The following TP53INP1 variants were observed in gnomAD, a reference collection of about 807,000 sequenced individuals.
TP53INP1 encodes the protein tumor protein p53 inducible nuclear protein 1.
A neutral mutation model predicts 21.0 loss-of-function variants in TP53INP1; 12 were observed. The observed-to-expected ratio is 0.57, with a 90% CI of 0.37 to 0.93. TP53INP1 has a LOEUF of 0.93. Ranked by LOEUF, TP53INP1 falls within the 40% of genes least tolerant of loss-of-function variation. The pLI is 0.01. For synonymous variants in TP53INP1, 91 were observed against 94.8 expected (o/e 0.96, Z 0.23); for missense variants, 274 against 294.7 (o/e 0.93, Z 0.51).
In TP53INP1 at chr8:94,926,512, A is replaced by ACATCTAACC. The variant is rs1483406740; in HGVS notation, c.*3958_*3966dup. ...CTCATACACTCCAAGCCTGAAACAC[A>ACATCTAACC]CATCTAACCTCCCCAGGTACTGGTT... On this transcript the variant is annotated 3_prime_UTR_variant, in exon 4 of 4. Coordinates refer to ENST00000342697, the MANE Select transcript of TP53INP1 (RefSeq NM_033285.4). 2 of 152,032 alleles carry ACATCTAACC rather than the reference A, an allele frequency of 1.3e-5. No homozygotes were observed. Among genetic ancestry groups the ACATCTAACC allele is most frequent in the Non-Finnish European group, 2.9e-5 (2 of 68,024 alleles). 9.4% of individuals were successfully genotyped at this position (152,032 alleles called of 1,614,324 possible). A position where few individuals can be genotyped will look rare whatever the true frequency, so the allele number is the denominator to read the frequency against.
At chr8:94,936,490 T>C (rs142474683) in intron 3 of TP53INP1, among the ~76,000 whole-genome samples, 1 of 152,226 alleles carries the variant, frequency 6.6e-6, no homozygotes, top group East Asian at 1.9e-4. Flanking sequence ...TTTGGAAGGA[T>C]GCTACTTTGA....
At chr8:94,935,099 G>A (rs1241936241) in intron 3 of TP53INP1, among the ~76,000 whole-genome samples, 2 of 149,380 alleles carry the variant, frequency 1.3e-5, no homozygotes, top group East Asian at 2.0e-4. Flanking sequence ...CGGTAGGTAG[G>A]TAGGTAGGTA....
chr8:94,943,961 T>G lies in TP53INP1; in HGVS notation c.-150-2870A>C, dbSNP rs1007969463. On this transcript the variant is annotated intron_variant, in intron 1 of 3. Transcript: ENST00000342697. ...GAAGAAAAGTGTAGTTTGTTTGACC[T>G]GCTGTGGTGTGATAGTTATATTCCA... Among the ~76,000 whole-genome samples, 3 of 152,224 alleles carry G rather than the reference T, an allele frequency of 2.0e-5. No homozygotes were observed. The South Asian group carries it at 6.2e-4, about 31-fold the overall frequency.
chr8:94,948,912 C>T (rs1822275904), intron 1 of TP53INP1, among the ~76,000 whole-genome samples: 1 of 151,574 alleles, frequency 6.6e-6, no homozygotes, highest in African/African-American at 2.4e-5. Flanking sequence ...GCCGCCGCCT[C>T]TGTCAGCCTC....
chr8:94,940,744 T>C, intron 2 of TP53INP1, 86 bp downstream of exon 2: 2 of 977,554 alleles, frequency 2.0e-6, no homozygotes, highest in East Asian at 2.5e-5. Context: ...AACCCCTCAG[T>C]TATTGGTTTC....
chr8:94,937,440 C>CAAA (rs1173351669), intron 3 of TP53INP1, among the ~76,000 whole-genome samples: 1,113 of 93,666 alleles, frequency 0.012, 19 homozygotes, highest in Middle Eastern at 0.053. Context: ...GACTCCATCT[C>CAAA]AAAAAAAAAA....
chr8:94,939,764 G>T lies in TP53INP1; in HGVS notation c.473+96C>A. 3 of 1,513,022 alleles carry T rather than the reference G, an allele frequency of 2.0e-6. 1 individual carries two copies. The East Asian group carries it at 6.8e-5, about 34-fold the overall frequency. The allele number at this position is 1,513,022 out of a possible 1,614,324, so 93.7% of individuals were successfully genotyped here. A position where few individuals can be genotyped will look rare whatever the true frequency, so the allele number is the denominator to read the frequency against. On this transcript the variant is annotated intron_variant, in intron 3 of 3. Transcript: ENST00000342697. ...CTTTCATAAATCTCTAACAAAATTA[G>T]TTTTGCATCTTCTAATAACTTAGCT... is the stretch of plus-strand genomic sequence containing the variant.
At chr8:94,939,607 AG>A (rs1414411067) in intron 3 of TP53INP1, 9 of 438,352 alleles carry the variant, frequency 2.1e-5, no homozygotes, top group Non-Finnish European at 3.8e-5. Context: ...CATGTTGCCC[AG>A]GGTGGTCTTG....
chr8:94,928,386 C>T lies in TP53INP1; in HGVS notation c.*2093G>A, dbSNP rs763270548. On this transcript the variant is annotated 3_prime_UTR_variant, in exon 4 of 4. Transcript: ENST00000342697. ...CGCCGTGTATTCAGAGTTTTACATC[C>T]TGAAGACATTAAGCTGGTCTATTTT... 2 of 152,228 alleles carry T rather than the reference C, an allele frequency of 1.3e-5. No individual in the cohort carries two copies. The highest frequency in any genetic ancestry group is 6.5e-5 in the Admixed American group (1 of 15,278). 9.4% of individuals were successfully genotyped at this position (152,228 alleles called of 1,614,324 possible).
At chr8:94,947,282 AT>A (rs1272993156) in intron 1 of TP53INP1, among the ~76,000 whole-genome samples, 21 of 58,004 alleles carry the variant, frequency 3.6e-4, no homozygotes, top group Non-Finnish European at 9.9e-4. Flanking sequence ...TCCAAAAAAT[AT>A]TAAAAAAAAA....
At chr8:94,948,765 TGGAGGGGAGTGA>T (rs1304607568) in intron 1 of TP53INP1, among the ~76,000 whole-genome samples, 3 of 145,886 alleles carry the variant, frequency 2.1e-5, no homozygotes, top group Admixed American at 2.0e-4. Flanking sequence ...GGAGGAGGAG[TGGAGGGGAGTGA>T]GGAGGGGTGA....
At chr8:94,930,835 G>A (rs1204765851) in intron 3 of TP53INP1, 107 bp from the exon 4 acceptor site, 5 of 1,240,552 alleles carry the variant, frequency 4.0e-6, no homozygotes, top group Non-Finnish European at 5.5e-6. Flanking sequence ...GTTTATGGCT[G>A]AATGAGAGCT....
At position 94,941,061 on chromosome 8, in the gene TP53INP1, CT is replaced by C; in HGVS notation, c.-121del. 1 of 683,038 alleles carries C rather than the reference CT, an allele frequency of 1.5e-6. No individual in the cohort carries two copies. The highest frequency in any genetic ancestry group is 2.5e-6 in the Non-Finnish European group (1 of 401,450). The allele number at this position is 683,038 out of a possible 1,614,324, so 42.3% of individuals were successfully genotyped here. On this transcript the variant is annotated 5_prime_UTR_variant, in exon 2 of 4. An upstream open reading frame in the 5' UTR loses its in-frame stop. Transcript: ENST00000342697. ...TAAAGTGCACAGGGTGCTTATTCAACTTAGGTGAAAAGCAAGAAGAGTCATT... is the reference window on the plus strand; with the variant it reads ...TAAAGTGCACAGGGTGCTTATTCAACTAGGTGAAAAGCAAGAAGAGTCATT...
At chr8:94,934,376 A>C (rs1820759402) in intron 3 of TP53INP1, among the ~76,000 whole-genome samples, 1 of 151,712 alleles carries the variant, frequency 6.6e-6, no homozygotes, top group Admixed American at 6.6e-5. Context: ...AGTGACTATT[A>C]ATTATAAATT....
At position 94,929,673 on chromosome 8, in the gene TP53INP1, G is replaced by T. The variant is rs551556849; in HGVS notation, c.*806C>A. ...GCGAGGTGAGGAGTGGACAGAATTG[G>T]CGGGAAGGAATAGTAACAAATTAAA... On this transcript the variant is annotated 3_prime_UTR_variant, in exon 4 of 4. Coordinates refer to ENST00000342697, the MANE Select transcript of TP53INP1 (RefSeq NM_033285.4). 6.6e-6 allele frequency: 1 copy of T among 152,216 alleles called. No homozygotes were observed. The highest frequency in any genetic ancestry group is 1.5e-5 in the Non-Finnish European group (1 of 68,038). 9.4% of individuals were successfully genotyped at this position (152,216 alleles called of 1,614,324 possible). A position where few individuals can be genotyped will look rare whatever the true frequency, so the allele number is the denominator to read the frequency against.
Position 94,930,631 on chromosome 8 carries a change from G to A in TP53INP1, c.571C>T (p.Pro191Ser). 6.2e-7 allele frequency: 1 copy of A among 1,614,208 alleles called. No homozygotes were observed. The highest frequency in any genetic ancestry group is 1.3e-5 in the African/African-American group (1 of 75,052). The change falls in exon 4 of 4, where the codon CCT becomes TCT. Residue 191 changes from proline (P) to serine (S), a missense_variant. Coordinates refer to ENST00000342697, the MANE Select transcript of TP53INP1 (RefSeq NM_033285.4). Reference protein sequence around the residue: ...TFLEQPKSFRPSQWIKEHSER... With the variant: ...TFLEQPKSFRSSQWIKEHSER... The stretch of plus-strand genomic sequence containing the variant: ...CTGTGTTCTTTTATCCACTGGGAAG[G>A]GCGAAAGCTCTTGGGTTGTTCCAGA...
intron 3 of TP53INP1, among the ~76,000 whole-genome samples, chr8:94,931,609 C>CATATATAT (rs1554629448): frequency 0.015 from 2,221 of 151,660 alleles, 60 homozygotes; most frequent in African/African-American, 0.05. Context: ...CACACACACA[C>CATATATAT]ATAAAATTTT....
Position 94,929,711 on chromosome 8 carries a change from G to C in TP53INP1, c.*768C>G, listed in dbSNP as rs925791111. 14 of 152,304 alleles carry C rather than the reference G, an allele frequency of 9.2e-5. No homozygotes were observed. The East Asian group carries it at 2.3e-3, about 25-fold the overall frequency. The allele number at this position is 152,304 out of a possible 1,614,324, so 9.4% of individuals were successfully genotyped here. ...GTAACAAATTAAATACTGCACTAATGGGTTAGTTACAGACATGAATTTTTC... is the reference window on the plus strand; with the variant it reads ...GTAACAAATTAAATACTGCACTAATCGGTTAGTTACAGACATGAATTTTTC... On this transcript the variant is annotated 3_prime_UTR_variant, in exon 4 of 4. Coordinates refer to ENST00000342697, the MANE Select transcript of TP53INP1 (RefSeq NM_033285.4).
At chr8:94,940,265 T>C in intron 2 of TP53INP1, 45 bp from the exon 3 acceptor site, 1 of 1,541,864 alleles carries the variant, frequency 6.5e-7, no homozygotes. Context: ...TGTTGAAGAG[T>C]CCCACAGGAG....
Sources: allele counts gnomAD v4.1 joint callset (sites outside exome capture counted in the v4.1 genomes callset), GRCh38; gene constraint gnomAD v4.1.1; transcripts MANE v1.5; gene names NCBI Gene and HGNC (gene_info 2026-07-23, HGNC 2026-07-21).